UBTD1: variants seen among roughly 807,000 people sequenced by gnomAD.
UBTD1 encodes the protein ubiquitin domain-containing protein 1.
In UBTD1, 19 loss-of-function variants were observed where a neutral mutation model predicts 21.7. The ratio of observed to expected loss-of-function variants is 0.87; its 90% CI spans 0.61 to 1.28. The LOEUF (loss-of-function observed/expected upper bound fraction) is 1.28. UBTD1 is among the 50% of genes most tolerant of loss of function. The pLI is 0.00. For missense variants in UBTD1, 282 were observed against 315.1 expected, an observed-to-expected ratio of 0.89 and a Z score of 0.80; for synonymous variants, 116 against 135.1, an observed-to-expected ratio of 0.86 and a Z score of 0.98.
At chr10:97,537,822 T>A (rs903780002) in intron 1 of UBTD1, among the ~76,000 whole-genome samples, 1 of 127,688 alleles carries the variant, frequency 7.8e-6, no homozygotes, top group Admixed American at 7.3e-5. Context: ...GGCTTTCTCT[T>A]TTTTTTTTTT....
intron 1 of UBTD1, among the ~76,000 whole-genome samples, chr10:97,530,870 A>T (rs922458374): frequency 6.6e-6 from 1 of 151,760 alleles, no homozygotes; most frequent in Non-Finnish European, 1.5e-5. Context: ...TTTTTATTTT[A>T]AAAATTTTTT....
At chr10:97,551,642 G>A (rs1167253009) in intron 1 of UBTD1, among the ~76,000 whole-genome samples, 3 of 152,114 alleles carry the variant, frequency 2.0e-5, no homozygotes, top group Admixed American at 2.0e-4. Context: ...AAGCCTCCAG[G>A]AGCTGTCAGT....
intron 1 of UBTD1, among the ~76,000 whole-genome samples, chr10:97,549,462 CTCTG>C (rs745958761): frequency 2.0e-5 from 3 of 152,242 alleles, no homozygotes; most frequent in African/African-American, 4.8e-5. Context: ...CAGGCATTAA[CTCTG>C]TCTGTAGGAT....
intron 1 of UBTD1, among the ~76,000 whole-genome samples, chr10:97,503,337 G>C (rs775735435): frequency 1.3e-5 from 2 of 152,162 alleles, no homozygotes; most frequent in Admixed American, 1.3e-4. Context: ...CTCCTTTGGT[G>C]GGGGCTCTTG....
At chr10:97,554,342 G>C (rs894885380) in intron 1 of UBTD1, among the ~76,000 whole-genome samples, 1 of 151,010 alleles carries the variant, frequency 6.6e-6, no homozygotes, top group African/African-American at 2.4e-5. Context: ...CCGTCTCTGG[G>C]GTTCAAGTGA....
At chr10:97,525,442 G>A (rs1469213217) in intron 1 of UBTD1, among the ~76,000 whole-genome samples, 5 of 152,202 alleles carry the variant, frequency 3.3e-5, no homozygotes, top group Non-Finnish European at 7.3e-5. Context: ...CATTCTAGCT[G>A]GGCGCCGACA....
At chr10:97,527,242 G>A (rs1340126261) in intron 1 of UBTD1, among the ~76,000 whole-genome samples, 8 of 146,182 alleles carry the variant, frequency 5.5e-5, no homozygotes, top group African/African-American at 1.3e-4. Context: ...TCCCATATGC[G>A]TTGGGAGGCC....
intron 1 of UBTD1, among the ~76,000 whole-genome samples, chr10:97,534,579 GCACACACACACA>G (rs58308271): frequency 2.4e-4 from 35 of 145,252 alleles, no homozygotes; most frequent in South Asian, 6.6e-4. Flanking sequence ...ACGCGCGCGC[GCACACACACACA>G]CACACACACA....
intron 1 of UBTD1, among the ~76,000 whole-genome samples, chr10:97,562,214 G>T (rs1411472681): frequency 6.6e-6 from 1 of 152,112 alleles, no homozygotes; most frequent in Non-Finnish European, 1.5e-5. Context: ...GACCAACCTG[G>T]CAACATGGTG....
intron 1 of UBTD1, among the ~76,000 whole-genome samples, chr10:97,501,001 A>G (rs969723448): frequency 2.0e-5 from 3 of 152,090 alleles, no homozygotes; most frequent in African/African-American, 7.2e-5. Context: ...GCCTAACTTT[A>G]GGCTGTGAAG....
chr10:97,544,778 C>T (rs1325437740), intron 1 of UBTD1, among the ~76,000 whole-genome samples: 2 of 152,044 alleles, frequency 1.3e-5, no homozygotes, highest in Admixed American at 6.6e-5. Flanking sequence ...ATCACTTGCA[C>T]CTAGGAGTTT....
At chr10:97,512,508 A>G (rs1248586052) in intron 1 of UBTD1, among the ~76,000 whole-genome samples, 1 of 152,214 alleles carries the variant, frequency 6.6e-6, no homozygotes, top group Non-Finnish European at 1.5e-5. Flanking sequence ...ACTTTTTATA[A>G]GGCCCAAATG....
intron 1 of UBTD1, among the ~76,000 whole-genome samples, chr10:97,553,044 C>T (rs952366328): frequency 2.0e-5 from 3 of 152,260 alleles, no homozygotes; most frequent in South Asian, 2.1e-4. Context: ...CAGTACCTCG[C>T]AGAGGCGTGC....
At chr10:97,558,921 A>T in intron 1 of UBTD1, among the ~76,000 whole-genome samples, 1 of 152,128 alleles carries the variant, frequency 6.6e-6, no homozygotes, top group East Asian at 1.9e-4. Flanking sequence ...GGTGAAAGGG[A>T]TAGCCAAATG....
intron 1 of UBTD1, among the ~76,000 whole-genome samples, chr10:97,548,194 TACA>T (rs1397105769): frequency 1.3e-5 from 2 of 152,222 alleles, no homozygotes; most frequent in Non-Finnish European, 2.9e-5. Flanking sequence ...AGAGAGAGGC[TACA>T]GTGTCTTTTT....
Position 97,499,032 on chromosome 10 carries a change from T to C in UBTD1, c.-172T>C, listed in dbSNP as rs972999737. On this transcript the variant is annotated 5_prime_UTR_variant, in exon 1 of 3. Transcript: ENST00000370664. ...GAGTCTGCCACTTCCCTCTCTCCCC[T>C]GGCCCGCAAAGTTTTGGCGGAGCCA... 4 of 717,680 alleles carry C rather than the reference T, an allele frequency of 5.6e-6. No individual in the cohort carries two copies. Among genetic ancestry groups the C allele is most frequent in the Admixed American group, 6.5e-5 (2 of 30,974 alleles). 44.5% of individuals were successfully genotyped at this position (717,680 alleles called of 1,614,324 possible).
At chr10:97,526,057 C>T (rs191385929) in intron 1 of UBTD1, among the ~76,000 whole-genome samples, 82 of 152,220 alleles carry the variant, frequency 5.4e-4, no homozygotes, top group African/African-American at 1.9e-3. Flanking sequence ...TTCCCTGGCC[C>T]TAGGTCAGCT....
chr10:97,508,784 C>T (rs2040409536), intron 1 of UBTD1, among the ~76,000 whole-genome samples: 1 of 152,142 alleles, frequency 6.6e-6, no homozygotes, highest in African/African-American at 2.4e-5. Flanking sequence ...AGTAGGTGCT[C>T]AATAAATATG....
intron 1 of UBTD1, among the ~76,000 whole-genome samples, chr10:97,549,326 TCC>T (rs1174813235): frequency 6.6e-6 from 1 of 152,192 alleles, no homozygotes; most frequent in East Asian, 1.9e-4. Context: ...AGTCCTCTGT[TCC>T]CCCTTTGCAG....
Sources: allele counts gnomAD v4.1 joint callset (sites outside exome capture counted in the v4.1 genomes callset), GRCh38; gene constraint gnomAD v4.1.1; transcripts MANE v1.5; gene names NCBI Gene and HGNC (gene_info 2026-07-23, HGNC 2026-07-21).